SMARCAL1: variants seen among roughly 807,000 people sequenced by gnomAD.
SMARCAL1 encodes SNF2 related chromatin remodeling annealing helicase 1.
A neutral mutation model predicts 94.5 loss-of-function variants in SMARCAL1; 58 were observed. The observed-to-expected ratio is 0.61, with a 90% CI of 0.50 to 0.76. The LOEUF (loss-of-function observed/expected upper bound fraction) is 0.76, where lower values mean the gene tolerates loss of function less well. SMARCAL1 is among the 30% of genes least tolerant of loss of function. SMARCAL1 has a pLI of 0.00. For missense variants in SMARCAL1, 1,051 were observed against 1,177.9 expected (o/e 0.89, Z 1.58); for synonymous variants, 422 against 455.1 (o/e 0.93, Z 0.93).
chr2:216,445,837 A>T (rs552056609), intron 10 of SMARCAL1, among the ~76,000 whole-genome samples: 1 of 152,200 alleles, frequency 6.6e-6, no homozygotes, highest in Non-Finnish European at 1.5e-5. Flanking sequence ...AATTGTGTAT[A>T]TTGTATATTT....
At chr2:216,429,691 G>A (rs930402306) in intron 7 of SMARCAL1, among the ~76,000 whole-genome samples, 7 of 151,950 alleles carry the variant, frequency 4.6e-5, no homozygotes, top group Middle Eastern at 3.2e-3. Context: ...CTGCCTGCTC[G>A]AAGCCTGATT....
chr2:216,454,774 C>T (rs537028282), intron 12 of SMARCAL1, among the ~76,000 whole-genome samples: 4 of 152,200 alleles, frequency 2.6e-5, no homozygotes, highest in African/African-American at 7.2e-5. Context: ...CCAGCGTGAG[C>T]GACACAGAAG....
intron 12 of SMARCAL1, among the ~76,000 whole-genome samples, chr2:216,458,849 A>C (rs1694632887): frequency 6.6e-6 from 1 of 152,168 alleles, no homozygotes; most frequent in Non-Finnish European, 1.5e-5. Context: ...CAGGCAGGAG[A>C]AAGAAATAAA....
chr2:216,466,675 C>T (rs189851236), intron 13 of SMARCAL1, among the ~76,000 whole-genome samples: 173 of 152,260 alleles, frequency 1.1e-3, no homozygotes, highest in African/African-American at 4.0e-3. Context: ...AGGGGAAAGA[C>T]GCATTAGGAA....
rs955567765 is a variant in SMARCAL1 at position 216,478,132 on chromosome 2, G to A, written c.2529-71G>A. 18 of 1,155,150 alleles carry A rather than the reference G, an allele frequency of 1.6e-5. No individual in the cohort carries two copies. The African/African-American group carries it at 2.0e-4, about 13-fold the overall frequency. The allele number at this position is 1,155,150 out of a possible 1,614,324, so 71.6% of individuals were successfully genotyped here. A position where few individuals can be genotyped will look rare whatever the true frequency, so the allele number is the denominator to read the frequency against. ...CCGTTGTCCCATAAGAACAAGGAGG[G>A]TGGCCTCATTTTCATTAGTCTGGTG... On this transcript the variant is annotated intron_variant, in intron 16 of 17. Transcript: ENST00000357276.
intron 10 of SMARCAL1, among the ~76,000 whole-genome samples, chr2:216,444,309 A>AT (rs1167658130): frequency 1.3e-5 from 2 of 151,920 alleles, no homozygotes; most frequent in Admixed American, 6.6e-5. Context: ...GGAGAACATG[A>AT]TTTTTTTCCT....
intron 8 of SMARCAL1, 140 bp from the exon 9 acceptor site, chr2:216,435,198 A>G (rs1694054897): frequency 1.2e-6 from 1 of 828,926 alleles, no homozygotes. Context: ...GTGTCCTGTT[A>G]GTGGCAAGTG....
chr2:216,443,714 A>G (rs949194911), intron 10 of SMARCAL1, among the ~76,000 whole-genome samples: 3 of 152,328 alleles, frequency 2.0e-5, no homozygotes, highest in African/African-American at 7.2e-5. Context: ...TGACCTAACC[A>G]GAGATTCAGA....
chr2:216,478,072 C>A, intron 16 of SMARCAL1, 131 bp from the exon 17 acceptor site: 1 of 828,980 alleles, frequency 1.2e-6, no homozygotes, highest in Non-Finnish European at 2.1e-6. Context: ...GTGTTTGCAC[C>A]TTGAGAGATG....
chr2:216,422,760 G>A (rs1176689614), intron 5 of SMARCAL1, among the ~76,000 whole-genome samples: 1 of 152,174 alleles, frequency 6.6e-6, no homozygotes, highest in African/African-American at 2.4e-5. Context: ...ATGAACTTTT[G>A]CTGCCCAGAT....
At chr2:216,433,016 C>A in intron 8 of SMARCAL1, 148 bp downstream of exon 8, 2 of 1,015,818 alleles carry the variant, frequency 2.0e-6, no homozygotes, top group Admixed American at 1.9e-5. Context: ...GAGATGCCAC[C>A]TGAGGGCAGG....
intron 12 of SMARCAL1, among the ~76,000 whole-genome samples, chr2:216,456,679 G>C (rs1694575965): frequency 6.6e-6 from 1 of 152,174 alleles, no homozygotes; most frequent in East Asian, 1.9e-4. Flanking sequence ...TGCCCTACAA[G>C]GGCTCCTGAA....
intron 13 of SMARCAL1, among the ~76,000 whole-genome samples, chr2:216,465,519 C>T (rs912184137): frequency 2.0e-5 from 3 of 152,246 alleles, no homozygotes; most frequent in African/African-American, 2.4e-5. Context: ...GCCGTTGTCA[C>T]GCCTAGTTCT....
chr2:216,431,627 C>A (rs1261271487), intron 7 of SMARCAL1, among the ~76,000 whole-genome samples: 1 of 152,164 alleles, frequency 6.6e-6, no homozygotes, highest in Non-Finnish European at 1.5e-5. Flanking sequence ...ACTGTTATTA[C>A]TCCCTTCTTA....
At chr2:216,423,578 C>G in intron 5 of SMARCAL1, 55 bp from the exon 6 acceptor site, 1 of 1,390,970 alleles carries the variant, frequency 7.2e-7, no homozygotes, top group Admixed American at 1.7e-5. Flanking sequence ...TAAGTGTGAT[C>G]ACGTAGCAGA....
intron 12 of SMARCAL1, among the ~76,000 whole-genome samples, chr2:216,457,544 T>A (rs371205794): frequency 2.6e-5 from 4 of 152,196 alleles, no homozygotes; most frequent in African/African-American, 9.6e-5. Flanking sequence ...CACTCAAAAC[T>A]GCTCAACTAC....
chr2:216,467,318 A>G (rs1040672022), intron 13 of SMARCAL1, among the ~76,000 whole-genome samples: 1 of 152,074 alleles, frequency 6.6e-6, no homozygotes, highest in African/African-American at 2.4e-5. Context: ...TAAAAATACA[A>G]AAATTAGCTG....
chr2:216,477,127 G>A lies in SMARCAL1; in HGVS notation c.2446G>A (p.Asp816Asn). The stretch of plus-strand genomic sequence containing the variant: ...CACACAGGTGCTGATCCAGGCTGAG[G>A]ACCGCGTGCACCGCATTGGACAGAC... ...WNPGVLIQAEDRVHRIGQTSS... is the reference protein window; with the variant it reads ...WNPGVLIQAENRVHRIGQTSS... The change falls in exon 16 of 18, where the codon GAC becomes AAC. Residue 816 changes from aspartate to asparagine, a missense_variant. By Grantham distance (23) the Asp-to-Asn change is conservative. Coordinates refer to ENST00000357276, the MANE Select transcript of SMARCAL1 (RefSeq NM_014140.4). 2 of 1,584,344 alleles carry A rather than the reference G, an allele frequency of 1.3e-6. No individual in the cohort carries two copies. The highest frequency in any genetic ancestry group is 1.7e-6 in the Non-Finnish European group (2 of 1,165,146).
chr2:216,470,806 G>A (rs1399398254), intron 14 of SMARCAL1, among the ~76,000 whole-genome samples: 1 of 116,270 alleles, frequency 8.6e-6, no homozygotes, highest in Non-Finnish European at 1.7e-5. Flanking sequence ...TTTTTTAAAG[G>A]GAACTTTATA....
Sources: allele counts gnomAD v4.1 joint callset (sites outside exome capture counted in the v4.1 genomes callset), GRCh38; gene constraint gnomAD v4.1.1; transcripts MANE v1.5; gene names NCBI Gene and HGNC (gene_info 2026-07-23, HGNC 2026-07-21).